Variants in LRMDA observed in about 807,000 individuals in gnomAD.
LRMDA encodes leucine-rich melanocyte differentiation-associated protein.
In LRMDA, 18 loss-of-function variants were observed where a neutral mutation model predicts 29.8. That is an observed-to-expected ratio of 0.60 (90% confidence interval 0.42 to 0.90). The LOEUF (loss-of-function observed/expected upper bound fraction) is 0.90, where lower values mean the gene tolerates loss of function less well. Ranked by LOEUF, LRMDA falls within the 40% of genes least tolerant of loss-of-function variation. The pLI, the probability that LRMDA is intolerant of heterozygous loss-of-function variation, is 0.00. For synonymous variants in LRMDA, 125 were observed against 109.4 expected (o/e 1.14, Z -0.89); for missense variants, 273 against 273.9 (o/e 1.00, Z 0.02).
At chr10:76,297,010 G>C (rs929056741) in intron 5 of LRMDA, among the ~76,000 whole-genome samples, 1 of 152,194 alleles carries the variant, frequency 6.6e-6, no homozygotes, top group African/African-American at 2.4e-5. Context: ...CCATGGAAGA[G>C]CCTGGAGCTC....
intron 2 of LRMDA, among the ~76,000 whole-genome samples, chr10:75,838,047 T>C (rs1844472588): frequency 6.6e-6 from 1 of 152,064 alleles, no homozygotes; most frequent in African/African-American, 2.4e-5. Flanking sequence ...AAAACCACAA[T>C]GACTAAAGGG....
chr10:76,168,515 G>T (rs1850779913), intron 5 of LRMDA, among the ~76,000 whole-genome samples: 1 of 152,162 alleles, frequency 6.6e-6, no homozygotes, highest in Non-Finnish European at 1.5e-5. Context: ...CATTGTTCTG[G>T]AACTTGGCGA....
chr10:75,915,662 T>A (rs1225960076), intron 2 of LRMDA, among the ~76,000 whole-genome samples: 1 of 152,144 alleles, frequency 6.6e-6, no homozygotes, highest in African/African-American at 2.4e-5. Flanking sequence ...TTTCCCAAGT[T>A]TTGGGCCCTT....
chr10:76,200,737 G>A (rs1851411584), intron 5 of LRMDA, among the ~76,000 whole-genome samples: 1 of 145,396 alleles, frequency 6.9e-6, no homozygotes, highest in South Asian at 2.1e-4. Context: ...TTCTTTCTGA[G>A]ACAGGGCTTA....
intron 2 of LRMDA, among the ~76,000 whole-genome samples, chr10:75,669,805 CAT>C (rs1020659739): frequency 6.6e-6 from 1 of 152,050 alleles, no homozygotes; most frequent in African/African-American, 2.4e-5. Flanking sequence ...AATATAAAGA[CAT>C]ATAAATAGGA....
At chr10:76,545,591 T>G (rs1843410467) in intron 6 of LRMDA, among the ~76,000 whole-genome samples, 1 of 151,474 alleles carries the variant, frequency 6.6e-6, no homozygotes, top group African/African-American at 2.4e-5. Flanking sequence ...ATTACTAAAA[T>G]TTGAATGTTT....
chr10:76,160,470 A>G (rs1044410591), intron 5 of LRMDA, among the ~76,000 whole-genome samples: 4 of 152,056 alleles, frequency 2.6e-5, no homozygotes, highest in African/African-American at 4.8e-5. Flanking sequence ...ACCTAAGAGT[A>G]TGTATGGAAG....
intron 2 of LRMDA, among the ~76,000 whole-genome samples, chr10:75,465,239 G>A (rs1245033479): frequency 6.6e-6 from 1 of 152,206 alleles, no homozygotes; most frequent in Non-Finnish European, 1.5e-5. Flanking sequence ...GAATGTTTTT[G>A]TCACGTGGAG....
At chr10:75,997,126 A>G (rs1422460278) in intron 2 of LRMDA, among the ~76,000 whole-genome samples, 1 of 152,196 alleles carries the variant, frequency 6.6e-6, no homozygotes, top group Non-Finnish European at 1.5e-5. Flanking sequence ...AAAGAAGGAA[A>G]TTAAGGTTGC....
chr10:75,578,229 A>AAAAAAAAAAAAC (rs1840535155), intron 2 of LRMDA, among the ~76,000 whole-genome samples: 1 of 144,738 alleles, frequency 6.9e-6, no homozygotes, highest in Non-Finnish European at 1.5e-5. Flanking sequence ...AAAAAAAAAA[A>AAAAAAAAAAAAC]AAAAAAAAAA....
At chr10:75,504,638 T>C (rs1845151377) in intron 2 of LRMDA, among the ~76,000 whole-genome samples, 1 of 152,076 alleles carries the variant, frequency 6.6e-6, no homozygotes, top group Non-Finnish European at 1.5e-5. Context: ...TAGGTAGGAC[T>C]TATCTCAACA....
In LRMDA at chr10:75,667,221, C is replaced by A. The variant is rs948215079; in HGVS notation, c.131+228727C>A. On this transcript the variant is annotated intron_variant, in intron 2 of 6. Coordinates refer to ENST00000611255, the MANE Select transcript of LRMDA (RefSeq NM_001305581.2). ...TTGTCCTTTTCTAATGATTTTATAA[C>A]CCCCCCCCCCAAGTAAGAATAAAAT... is the stretch of plus-strand genomic sequence containing the variant. Among the ~76,000 whole-genome samples the A allele has an allele frequency of 3.9e-3, 31 of 8,026 alleles. 1 individual carries two copies. Among genetic ancestry groups the A allele is most frequent in the Admixed American group, 0.015 (5 of 340 alleles). The allele number at this position is 8,026 out of a possible 152,430, so 5.3% of individuals were successfully genotyped here.
chr10:75,819,431 A>C (rs551582916), intron 2 of LRMDA, among the ~76,000 whole-genome samples: 2 of 152,324 alleles, frequency 1.3e-5, no homozygotes, highest in Non-Finnish European at 2.9e-5. Context: ...AGGGTAAAGG[A>C]AACAAAATTC....
At chr10:75,992,096 A>C (rs568953185) in intron 2 of LRMDA, among the ~76,000 whole-genome samples, 4 of 152,276 alleles carry the variant, frequency 2.6e-5, no homozygotes, top group African/African-American at 9.6e-5. Flanking sequence ...TAATTACAAC[A>C]ATCTTATCAG....
At chr10:76,522,081 A>G (rs1589224020) in intron 6 of LRMDA, among the ~76,000 whole-genome samples, 1 of 152,260 alleles carries the variant, frequency 6.6e-6, no homozygotes, top group East Asian at 1.9e-4. Context: ...CCTTACCCAA[A>G]CCTCACTTGT....
Position 75,431,686 on chromosome 10 carries a change from C to T in LRMDA, c.-39C>T, listed in dbSNP as rs1466063171. 7.8e-7 allele frequency: 1 copy of T among 1,279,936 alleles called. No homozygotes were observed. Among genetic ancestry groups the T allele is most frequent in the Non-Finnish European group, 9.8e-7 (1 of 1,019,446 alleles). 79.3% of individuals were successfully genotyped at this position (1,279,936 alleles called of 1,614,324 possible). A position where few individuals can be genotyped will look rare whatever the true frequency, so the allele number is the denominator to read the frequency against. Reference sequence around the variant, plus strand: ...GCTCCCCGCTGCTGCCGCCGCGCCCCCGCGCTCCGTCCCGCGCGCCCGCAG... The same window carrying T: ...GCTCCCCGCTGCTGCCGCCGCGCCCTCGCGCTCCGTCCCGCGCGCCCGCAG... On this transcript the variant is annotated 5_prime_UTR_variant, in exon 1 of 7. Transcript: ENST00000611255.
At chr10:76,067,724 T>G (rs1848807636) in intron 5 of LRMDA, among the ~76,000 whole-genome samples, 1 of 152,124 alleles carries the variant, frequency 6.6e-6, no homozygotes, top group South Asian at 2.1e-4. Flanking sequence ...TGAAGAAGAA[T>G]AAGTTGGAAA....
At chr10:75,818,700 C>T (rs2132278586) in intron 2 of LRMDA, among the ~76,000 whole-genome samples, 1 of 152,316 alleles carries the variant, frequency 6.6e-6, no homozygotes, top group Non-Finnish European at 1.5e-5. Context: ...GGATCACTGG[C>T]AGAGCACAGA....
chr10:75,443,037 C>G (rs1844347363), intron 2 of LRMDA, among the ~76,000 whole-genome samples: 1 of 151,854 alleles, frequency 6.6e-6, no homozygotes, highest in African/African-American at 2.4e-5. Context: ...AGGGATGCAG[C>G]TGATTTTTGT....
Sources: gnomAD v4.1 joint callset for allele counts (sites outside exome capture counted in the v4.1 genomes callset) on GRCh38, gnomAD v4.1.1 for gene constraint, MANE v1.5 for transcripts, NCBI Gene and HGNC (gene_info 2026-07-23, HGNC 2026-07-21) for gene names.